AP1M1: variants seen among roughly 807,000 people sequenced by gnomAD.
The protein encoded by AP1M1 is adaptor related protein complex 1 subunit mu 1, also known as AP-1 complex subunit mu-1.
Under a neutral mutation model 57.1 loss-of-function variants are expected in AP1M1, and 18 were observed. The ratio of observed to expected loss-of-function variants is 0.32; its 90% CI spans 0.22 to 0.47. AP1M1 has a LOEUF of 0.47. Ranked by LOEUF, AP1M1 falls within the 20% of genes least tolerant of loss-of-function variation. The pLI is 1.00. For synonymous variants in AP1M1, 241 were observed against 237.9 expected, an observed-to-expected ratio of 1.01 and a Z score of -0.12; for missense variants, 362 against 593.5, an observed-to-expected ratio of 0.61 and a Z score of 4.05.
At chr19:16,220,666 C>T (rs1382491943) in intron 5 of AP1M1, among the ~76,000 whole-genome samples, 1 of 152,222 alleles carries the variant, frequency 6.6e-6, no homozygotes, top group Non-Finnish European at 1.5e-5. Flanking sequence ...GCTGGGATTA[C>T]AGGCATGAGC....
In AP1M1 at chr19:16,198,087, C is replaced by T. The variant is rs1312460693; in HGVS notation, c.42+19C>T. 1.9e-6 allele frequency: 3 copies of T among 1,593,860 alleles called. No homozygotes were observed. Among genetic ancestry groups the T allele is most frequent in the Non-Finnish European group, 2.6e-6 (3 of 1,173,662 alleles). ...GGGCAAGGTACTGAGGGCTCCCCACCCTCCCTGTTGCCAGGCAACCGGCAG... is the reference window on the plus strand; with the variant it reads ...GGGCAAGGTACTGAGGGCTCCCCACTCTCCCTGTTGCCAGGCAACCGGCAG... On this transcript the variant is annotated intron_variant, in intron 1 of 11. Coordinates refer to ENST00000291439, the MANE Select transcript of AP1M1 (RefSeq NM_032493.4).
At chr19:16,234,113 C>T in intron 10 of AP1M1, 86 bp from the exon 11 acceptor site, 1 of 1,375,982 alleles carries the variant, frequency 7.3e-7, no homozygotes, top group East Asian at 2.4e-5. Context: ...CCCTGCCAGC[C>T]CCAGGCTGCC....
intron 5 of AP1M1, among the ~76,000 whole-genome samples, chr19:16,219,655 T>G (rs1275042247): frequency 6.6e-6 from 1 of 152,148 alleles, no homozygotes; most frequent in Non-Finnish European, 1.5e-5. Flanking sequence ...GCCTCAGCCT[T>G]CCAAAGTGCT....
Position 16,227,600 on chromosome 19 carries a change from G to A in AP1M1, c.726G>A (p.Val242=), listed in dbSNP as rs2091576684. The A allele has an allele frequency of 1.2e-6, 2 of 1,614,088 alleles. No individual in the cohort carries two copies. ...AGGATGTGAAGTTCCACCAGTGTGTGCGGCTATCACGCTTCGAGAATGACC... is the reference window on the plus strand; with the variant it reads ...AGGATGTGAAGTTCCACCAGTGTGTACGGCTATCACGCTTCGAGAATGACC... ...ELEDVKFHQC[V]RLSRFENDRT... is the part of the protein sequence containing the mutation. The change falls in exon 7 of 12, where the codon GTG becomes GTA. Residue 242 remains valine (V), a synonymous_variant. Transcript: ENST00000291439. This position sits in a 1 kb window ranked among gnomAD's most constrained non-coding sequence, Gnocchi z 6.2.
chr19:16,234,559 C>A lies in AP1M1; in HGVS notation c.*124C>A. The A allele has an allele frequency of 7.8e-7, 1 of 1,286,494 alleles. No homozygotes were observed. The highest frequency in any genetic ancestry group is 1.1e-6 in the Non-Finnish European group (1 of 913,872). 79.7% of individuals were successfully genotyped at this position (1,286,494 alleles called of 1,614,324 possible). On this transcript the variant is annotated 3_prime_UTR_variant, in exon 12 of 12. Coordinates refer to ENST00000291439, the MANE Select transcript of AP1M1 (RefSeq NM_032493.4). Reference sequence around the variant, plus strand: ...TCTGGCCACCCTCCCAGCCTCTGCCCAGGGACCCCTGCCTTCCCCAGGCCA... The same window carrying A: ...TCTGGCCACCCTCCCAGCCTCTGCCAAGGGACCCCTGCCTTCCCCAGGCCA...
chr19:16,208,054 G>C lies in AP1M1; in HGVS notation c.303G>C (p.Glu101Asp). 1 of 1,614,002 alleles carries C rather than the reference G, an allele frequency of 6.2e-7. No individual in the cohort carries two copies. Among genetic ancestry groups the C allele is most frequent in the Non-Finnish European group, 8.5e-7 (1 of 1,179,954 alleles). ...FSEYFKELEE[E>D]SIRDNFVIIY... ...AGTACTTCAAGGAGCTGGAGGAGGA[G>C]AGCATCCGGGACAACTTTGTTATCA... The change falls in exon 4 of 12, where the codon GAG becomes GAC. Residue 101 changes from glutamate (E) to aspartate (D), a missense_variant. By Grantham distance (45) the Glu-to-Asp change is conservative. Transcript: ENST00000291439.
Position 16,203,570 on chromosome 19 carries a change from C to T in AP1M1, c.154C>T (p.His52Tyr), listed in dbSNP as rs1252850380. 1.9e-6 allele frequency: 3 copies of T among 1,614,000 alleles called. No homozygotes were observed. The highest frequency in any genetic ancestry group is 2.5e-6 in the Non-Finnish European group (3 of 1,179,954). ...GGGGATGCTGTCGCCCATCCTGGCC[C>T]ACGGGGGGGTCCGTTTCATGTGGAT... ...EEGMLSPILA[H>Y]GGVRFMWIKH... is the part of the protein sequence containing the mutation. The change falls in exon 2 of 12, where the codon CAC (histidine) becomes TAC (tyrosine). Residue 52 changes from histidine to tyrosine, a missense_variant. Around this residue, in one of 2 missense-constraint regions of AP1M1, gnomAD observed 337 missense variants for 511.1 expected, o/e 0.66. Coordinates refer to ENST00000291439, the MANE Select transcript of AP1M1 (RefSeq NM_032493.4). The surrounding 1 kb of genome is among the most constrained non-coding windows in gnomAD (Gnocchi z 4.6).
At chr19:16,213,751 C>A (rs1452180527) in intron 5 of AP1M1, among the ~76,000 whole-genome samples, 1 of 152,180 alleles carries the variant, frequency 6.6e-6, no homozygotes, top group Non-Finnish European at 1.5e-5. Flanking sequence ...CCTCGGCCTC[C>A]CAAAGTGCTG....
chr19:16,228,833 A>G lies in AP1M1; in HGVS notation c.952A>G (p.Asn318Asp), dbSNP rs774060620. The G allele has an allele frequency of 1.2e-6, 2 of 1,614,110 alleles. No homozygotes were observed. Among genetic ancestry groups the G allele is most frequent in the Non-Finnish European group, 8.5e-7 (1 of 1,180,004 alleles). ...CGTGGAGATCCACATTCCCGTGCCC[A>G]ATGATGCCGACTCACCCAAGTTCAA... ...NNVEIHIPVP[N>D]DADSPKFKTT... Residue 318 changes from asparagine (N) to aspartate (D), a missense_variant, in exon 9 of 12, where the codon AAT becomes GAT. Asn to Asp is a conservative substitution (Grantham distance 23). This residue lies in a region of AP1M1 where 337 missense variants were observed against 511.1 expected (regional missense o/e 0.66). Transcript: ENST00000291439. The surrounding 1 kb of genome is among the most constrained non-coding windows in gnomAD (Gnocchi z 5.0).
At chr19:16,223,366 A>G (rs2091554436) in intron 5 of AP1M1, among the ~76,000 whole-genome samples, 1 of 152,238 alleles carries the variant, frequency 6.6e-6, no homozygotes, top group African/African-American at 2.4e-5. Flanking sequence ...TTCTGGAGAC[A>G]TAAACCACTT....
intron 4 of AP1M1, 200 bp downstream of exon 4, chr19:16,208,349 T>C: frequency 2.0e-6 from 1 of 488,862 alleles, no homozygotes; most frequent in Non-Finnish European, 3.6e-6. Flanking sequence ...CACATAACCG[T>C]GCTTTTCCTG....
intron 5 of AP1M1, among the ~76,000 whole-genome samples, chr19:16,219,398 G>GTTT (rs71178659): frequency 4.7e-5 from 1 of 21,476 alleles, no homozygotes; most frequent in African/African-American, 7.4e-5. Flanking sequence ...TTGTTTTTTT[G>GTTT]TTTTTTTTTT....
intron 2 of AP1M1, among the ~76,000 whole-genome samples, chr19:16,204,475 A>G (rs2091461510): frequency 6.6e-6 from 1 of 152,178 alleles, no homozygotes; most frequent in Admixed American, 6.5e-5. Flanking sequence ...CAGTGGGAAC[A>G]ACGACCCCTC....
rs2091471090 is a variant in AP1M1 at position 16,206,741 on chromosome 19, AGCAGAGCT to A, written c.267+343_267+350del. 1.3e-5 allele frequency among the ~76,000 whole-genome samples: 2 copies of A among 152,308 alleles called. No homozygotes were observed. Among genetic ancestry groups the A allele is most frequent in the South Asian group, 4.1e-4 (2 of 4,830 alleles). On this transcript the variant is annotated intron_variant, in intron 3 of 11. Coordinates refer to ENST00000291439, the MANE Select transcript of AP1M1 (RefSeq NM_032493.4). This position sits in a 1 kb window ranked among gnomAD's most constrained non-coding sequence, Gnocchi z 4.3. ...CCAGCTGGATGGGGCTGGAATAACCAGCAGAGCTGCAGAGCTGAGCCCACCTCAGAATC... is the reference window on the plus strand; with the variant it reads ...CCAGCTGGATGGGGCTGGAATAACCAGCAGAGCTGAGCCCACCTCAGAATC...
At chr19:16,217,287 C>T (rs1257057529) in intron 5 of AP1M1, among the ~76,000 whole-genome samples, 3 of 151,748 alleles carry the variant, frequency 2.0e-5, no homozygotes, top group Admixed American at 1.3e-4. Context: ...CTGACAACAA[C>T]GGTGGTGGGA....
chr19:16,234,319 C>T (rs1055301875), intron 11 of AP1M1, 45 bp downstream of exon 11: 16 of 1,612,898 alleles, frequency 9.9e-6, no homozygotes, highest in Admixed American at 1.7e-5. Context: ...CTGAGGGGTC[C>T]TCTGTGGCTG....
intron 1 of AP1M1, among the ~76,000 whole-genome samples, chr19:16,201,705 C>A (rs1025551700): frequency 6.6e-6 from 1 of 152,110 alleles, no homozygotes; most frequent in Non-Finnish European, 1.5e-5. Context: ...GCTGGGAGGA[C>A]TTCCTAGAGG....
intron 9 of AP1M1, among the ~76,000 whole-genome samples, 198 bp downstream of exon 9, chr19:16,229,126 C>T (rs1393659451): frequency 6.6e-6 from 1 of 152,218 alleles, no homozygotes; most frequent in African/African-American, 2.4e-5. Flanking sequence ...CCCCTGGGCC[C>T]CTTTCTGCCT....
intron 6 of AP1M1, chr19:16,226,812 T>C: frequency 2.7e-6 from 1 of 368,072 alleles, no homozygotes; most frequent in Non-Finnish European, 4.9e-6. Flanking sequence ...CCTGCCCTGC[T>C]CTGCCTGGGG....
Sources: gnomAD v4.1 joint callset for allele counts (sites outside exome capture counted in the v4.1 genomes callset) on GRCh38, gnomAD v4.1.1 for gene constraint, gnomAD v4.1.1 regional missense constraint, Gnocchi (gnomAD v3.1) non-coding constraint, MANE v1.5 for transcripts, NCBI Gene and HGNC (gene_info 2026-07-23, HGNC 2026-07-21) for gene names.